DNAJC17: variants seen among roughly 807,000 people sequenced by gnomAD.
DNAJC17 encodes the protein dnaJ homolog subfamily C member 17.
In DNAJC17, 35 loss-of-function variants were observed where a neutral mutation model predicts 48.1. That is an observed-to-expected ratio of 0.73 (90% CI 0.56 to 0.96). The LOEUF is 0.96. Ranked by LOEUF, DNAJC17 falls within the 50% of genes least tolerant of loss-of-function variation. The pLI is 0.00. For missense variants in DNAJC17, 355 were observed against 377.1 expected, an observed-to-expected ratio of 0.94 and a Z score of 0.48; for synonymous variants, 117 against 142.7, an observed-to-expected ratio of 0.82 and a Z score of 1.28.
chr15:40,768,310 G>C (rs1445543142), intron 10 of DNAJC17, among the ~76,000 whole-genome samples: 1 of 152,188 alleles, frequency 6.6e-6, no homozygotes, highest in Non-Finnish European at 1.5e-5. Flanking sequence ...GGCCGCGTCA[G>C]CTCCGGTCCA....
chr15:40,793,670 C>A (rs944754887), intron 1 of DNAJC17, among the ~76,000 whole-genome samples: 2 of 151,958 alleles, frequency 1.3e-5, no homozygotes, highest in African/African-American at 4.8e-5. Flanking sequence ...TCATATTTGA[C>A]TTTCCAAGCT....
At chr15:40,775,008 G>A in intron 8 of DNAJC17, 23 bp downstream of exon 8, 4 of 1,613,630 alleles carry the variant, frequency 2.5e-6, no homozygotes, top group Non-Finnish European at 3.4e-6. Flanking sequence ...TGATAGGAAA[G>A]AGTGGACGTC....
chr15:40,770,833 C>CCACCCTGCCACCCT lies in DNAJC17; in HGVS notation c.793-2772_793-2771insAGGGTGGCAGGGTG. 6.4e-7 allele frequency: 1 copy of CCACCCTGCCACCCT among 1,551,320 alleles called. No homozygotes were observed. The highest frequency in any genetic ancestry group is 1.4e-5 in the African/African-American group (1 of 73,170). ...GCCTACTCTGCCACCCTGCCATCGG[C>CCACCCTGCCACCCT]GCTCTCTCTGTCGAGTGCCCTCCAC... On this transcript the variant is annotated intron_variant, in intron 10 of 10. Transcript: ENST00000220496. The surrounding 1 kb of genome is among the most constrained non-coding windows in gnomAD (Gnocchi z 5.0).
chr15:40,773,985 G>A (rs1196798400), intron 9 of DNAJC17, 148 bp from the exon 10 acceptor site: 4 of 732,228 alleles, frequency 5.5e-6, no homozygotes, highest in African/African-American at 3.6e-5. Context: ...GGGTGTTAAC[G>A]CTTTGGCCTT....
chr15:40,792,994 G>C (rs536608992), intron 1 of DNAJC17, among the ~76,000 whole-genome samples: 1 of 147,510 alleles, frequency 6.8e-6, no homozygotes, highest in African/African-American at 2.5e-5. Flanking sequence ...CCGGGTTCAC[G>C]CCATTCTCTT....
chr15:40,786,784 C>G (rs1289352951), intron 1 of DNAJC17, among the ~76,000 whole-genome samples: 1 of 152,192 alleles, frequency 6.6e-6, no homozygotes, highest in Admixed American at 6.6e-5. Context: ...GGACGAAGAT[C>G]TCAGATAAAT....
Position 40,766,051 on chromosome 15 carries a change from G to C in DNAJC17, c.*1889C>G, listed in dbSNP as rs8042544. The C allele has an allele frequency of 2.1e-3, 987 of 476,016 alleles. 11 individuals are homozygous for C. The highest frequency in any genetic ancestry group is 0.018 in the African/African-American group (892 of 50,070). The allele number at this position is 476,016 out of a possible 1,614,324, so 29.5% of individuals were successfully genotyped here. ...CCCCCTGCCTGCATCCTGGGGCTCTGTTCTCCGGAGGAGTTGGTCCCATCT... is the reference window on the plus strand; with the variant it reads ...CCCCCTGCCTGCATCCTGGGGCTCTCTTCTCCGGAGGAGTTGGTCCCATCT... On this transcript the variant is annotated 3_prime_UTR_variant, in exon 11 of 11. Transcript: ENST00000220496.
At position 40,765,291 on chromosome 15, in the gene DNAJC17, T is replaced by C. The variant is rs1183202978; in HGVS notation, c.*2649A>G. 1 of 152,300 alleles carries C rather than the reference T, an allele frequency of 6.6e-6. No individual in the cohort carries two copies. Among genetic ancestry groups the C allele is most frequent in the East Asian group, 1.9e-4 (1 of 5,204 alleles). 9.4% of individuals were successfully genotyped at this position (152,300 alleles called of 1,614,324 possible). Reference sequence around the variant, plus strand: ...GTGCAACCATCACCATAATCAGTTTTAGAACATTTCTAATACCCCAAAAGG... The same window carrying C: ...GTGCAACCATCACCATAATCAGTTTCAGAACATTTCTAATACCCCAAAAGG... On this transcript the variant is annotated 3_prime_UTR_variant, in exon 11 of 11. Coordinates refer to ENST00000220496, the MANE Select transcript of DNAJC17 (RefSeq NM_018163.3).
At chr15:40,778,857 C>T (rs927418820) in intron 4 of DNAJC17, among the ~76,000 whole-genome samples, 1 of 152,080 alleles carries the variant, frequency 6.6e-6, no homozygotes, top group African/African-American at 2.4e-5. Flanking sequence ...TCGCCTGAAC[C>T]CAGAGGGTGG....
intron 1 of DNAJC17, among the ~76,000 whole-genome samples, chr15:40,797,072 A>G (rs139592445): frequency 6.6e-6 from 1 of 152,130 alleles, no homozygotes; most frequent in African/African-American, 2.4e-5. Context: ...AGAACAAGAA[A>G]TTAGAGTAGG....
intron 1 of DNAJC17, among the ~76,000 whole-genome samples, chr15:40,781,824 A>T (rs1410172213): frequency 6.6e-6 from 1 of 152,026 alleles, no homozygotes; most frequent in African/African-American, 2.4e-5. Flanking sequence ...CGAGAGGCTG[A>T]GGCAGGAGAA....
intron 6 of DNAJC17, 78 bp downstream of exon 6, chr15:40,776,118 A>C (rs1596077772): frequency 7.1e-7 from 1 of 1,410,842 alleles, no homozygotes; most frequent in Non-Finnish European, 9.9e-7. Flanking sequence ...CAGCAGCTCC[A>C]CCGAACAGCC....
At position 40,770,703 on chromosome 15, in the gene DNAJC17, G is replaced by A. The variant is rs771505072; in HGVS notation, c.793-2641C>T. The A allele has an allele frequency of 7.1e-6, 11 of 1,547,094 alleles. No homozygotes were observed. Among genetic ancestry groups the A allele is most frequent in the African/African-American group, 4.1e-5 (3 of 73,030 alleles). On this transcript the variant is annotated intron_variant, in intron 10 of 10. Coordinates refer to ENST00000220496, the MANE Select transcript of DNAJC17 (RefSeq NM_018163.3). This position sits in a 1 kb window ranked among gnomAD's most constrained non-coding sequence, Gnocchi z 5.0. ...CCGGCGCCTGCCACTGTGGGGGGACGAGCAGCCCCGGGCCACCCTGCTGGC... is the reference window on the plus strand; with the variant it reads ...CCGGCGCCTGCCACTGTGGGGGGACAAGCAGCCCCGGGCCACCCTGCTGGC...
At position 40,775,559 on chromosome 15, in the gene DNAJC17, T is replaced by C; in HGVS notation, c.516A>G (p.Lys172=). 1 of 1,613,900 alleles carries C rather than the reference T, an allele frequency of 6.2e-7. No individual in the cohort carries two copies. Among genetic ancestry groups the C allele is most frequent in the South Asian group, 1.1e-5 (1 of 91,070 alleles). The change falls in exon 7 of 11, where the codon AAA becomes AAG. Residue 172 remains lysine (K), a synonymous_variant. Coordinates refer to ENST00000220496, the MANE Select transcript of DNAJC17 (RefSeq NM_018163.3). ...AGATCCTGCCCAGGCTCACCTTTAG[T>C]TTGGGGGTTCCTTGGCCTTCAGTAT... ...AENTEGQGTP[K]LKLKWKCKKE...
intron 4 of DNAJC17, among the ~76,000 whole-genome samples, chr15:40,778,093 A>G (rs111665101): frequency 0.055 from 8,418 of 151,930 alleles, 797 homozygotes; most frequent in African/African-American, 0.19. Context: ...TCAGGAGGCC[A>G]AGGCAGAAGG....
At chr15:40,804,692 A>C (rs1890156297) in intron 1 of DNAJC17, among the ~76,000 whole-genome samples, 1 of 152,184 alleles carries the variant, frequency 6.6e-6, no homozygotes, top group Non-Finnish European at 1.5e-5. Flanking sequence ...AGGAGTTCTC[A>C]ACTTCAGGGT....
At chr15:40,773,499 T>C (rs1361130684) in intron 10 of DNAJC17, among the ~76,000 whole-genome samples, 1 of 152,038 alleles carries the variant, frequency 6.6e-6, no homozygotes, top group Non-Finnish European at 1.5e-5. Flanking sequence ...AGGCCAGATA[T>C]GGAGAGAAAG....
At chr15:40,781,866 G>A (rs1302073866) in intron 1 of DNAJC17, among the ~76,000 whole-genome samples, 1 of 150,886 alleles carries the variant, frequency 6.6e-6, no homozygotes, top group Non-Finnish European at 1.5e-5. Flanking sequence ...AGGTTGCAGT[G>A]AGCCGAGATC....
intron 1 of DNAJC17, among the ~76,000 whole-genome samples, chr15:40,794,628 C>T (rs1889901974): frequency 6.6e-6 from 1 of 152,118 alleles, no homozygotes; most frequent in African/African-American, 2.4e-5. Context: ...GCTATGATTG[C>T]ACCACTGTAC....
Sources: gnomAD v4.1 joint callset for allele counts (sites outside exome capture counted in the v4.1 genomes callset) on GRCh38, gnomAD v4.1.1 for gene constraint, Gnocchi (gnomAD v3.1) non-coding constraint, MANE v1.5 for transcripts, NCBI Gene and HGNC (gene_info 2026-07-23, HGNC 2026-07-21) for gene names.